PKD1L1: variants seen among roughly 807,000 people sequenced by gnomAD.
PKD1L1 encodes the protein polycystin-1-like protein 1.
PKD1L1 carries 236 observed loss-of-function variants against 323.4 expected under a neutral mutation model. That is an observed-to-expected ratio of 0.73 (90% CI 0.66 to 0.81). The LOEUF (loss-of-function observed/expected upper bound fraction) is 0.81, where lower values mean the gene tolerates loss of function less well. PKD1L1 is among the 40% of genes least tolerant of loss of function. PKD1L1 has a pLI of 0.00. For missense variants in PKD1L1, 3,320 were observed against 3,508.0 expected (o/e 0.95, Z 1.35); for synonymous variants, 1,344 against 1,335.0 (o/e 1.01, Z -0.15).
chr7:47,846,465 C>T (rs1056571026), intron 32 of PKD1L1, among the ~76,000 whole-genome samples: 1 of 152,164 alleles, frequency 6.6e-6, no homozygotes, highest in African/African-American at 2.4e-5. Flanking sequence ...AACATGGGGG[C>T]ATGGTGAGAG....
intron 34 of PKD1L1, among the ~76,000 whole-genome samples, chr7:47,842,657 A>T (rs1249298122): frequency 6.6e-6 from 1 of 152,060 alleles, no homozygotes; most frequent in Non-Finnish European, 1.5e-5. Flanking sequence ...GAAGAGTACA[A>T]CTCATTCTCA....
intron 32 of PKD1L1, among the ~76,000 whole-genome samples, chr7:47,845,977 T>A (rs1474598771): frequency 6.6e-6 from 1 of 152,230 alleles, no homozygotes; most frequent in African/African-American, 2.4e-5. Context: ...CATTTATCAA[T>A]AATTTAATAT....
At chr7:47,881,093 G>T (rs1270124762) in intron 20 of PKD1L1, among the ~76,000 whole-genome samples, 1 of 151,948 alleles carries the variant, frequency 6.6e-6, no homozygotes, top group Non-Finnish European at 1.5e-5. Context: ...TATTTTATAT[G>T]TTTATAATTA....
intron 14 of PKD1L1, among the ~76,000 whole-genome samples, chr7:47,897,264 T>C (rs981808117): frequency 6.6e-6 from 1 of 152,196 alleles, no homozygotes; most frequent in African/African-American, 2.4e-5. Flanking sequence ...TAGGACTGCG[T>C]GCCCCACAGC....
intron 56 of PKD1L1, among the ~76,000 whole-genome samples, chr7:47,788,642 C>T (rs1378371289): frequency 5.4e-5 from 8 of 147,130 alleles, no homozygotes; most frequent in Non-Finnish European, 8.9e-5. Flanking sequence ...GTTGCCTAGG[C>T]TGGAGTGCAG....
chr7:47,904,965 C>T (rs1787171980), intron 11 of PKD1L1, among the ~76,000 whole-genome samples, 192 bp downstream of exon 11: 1 of 152,130 alleles, frequency 6.6e-6, no homozygotes, highest in Admixed American at 6.6e-5. Flanking sequence ...TCCCTTAGTT[C>T]AAGCTGAAGA....
At chr7:47,895,732 A>T (rs1444885898) in intron 14 of PKD1L1, among the ~76,000 whole-genome samples, 4 of 152,246 alleles carry the variant, frequency 2.6e-5, no homozygotes, top group Non-Finnish European at 4.4e-5. Context: ...TGCGTAGTCA[A>T]ACTGGGCAGA....
chr7:47,960,191 C>T, the PKD1L1 span, among the ~76,000 whole-genome samples: 1 of 149,200 alleles, frequency 6.7e-6, no homozygotes, highest in Non-Finnish European at 1.5e-5. Context: ...TAAGAGTCAT[C>T]ACCACTCCCT....
intron 56 of PKD1L1, among the ~76,000 whole-genome samples, chr7:47,781,189 T>C (rs4273763): frequency 0.28 from 42,288 of 152,036 alleles, 6,209 homozygotes; most frequent in East Asian, 0.57. Flanking sequence ...CATCTGTACA[T>C]CTTCTTCAGT....
chr7:47,956,005 T>A, the PKD1L1 span, among the ~76,000 whole-genome samples: 15 of 152,188 alleles, frequency 9.9e-5, no homozygotes, highest in East Asian at 1.2e-3. Flanking sequence ...AATTCGAGAG[T>A]GACATCAGCC....
chr7:47,918,244 A>T (rs1787468624), intron 7 of PKD1L1, among the ~76,000 whole-genome samples: 1 of 152,170 alleles, frequency 6.6e-6, no homozygotes. Flanking sequence ...ACAAAGAAGA[A>T]CATTATATAA....
chr7:47,843,021 G>T lies in PKD1L1; in HGVS notation c.5386C>A (p.Gln1796Lys), dbSNP rs762513579. ...GTGTCAATGACGACCGCATATAGCTGATGGCCCGGCAGGGAAGCTTCTTGC... is the reference window on the plus strand; with the variant it reads ...GTGTCAATGACGACCGCATATAGCTTATGGCCCGGCAGGGAAGCTTCTTGC... ...FLQEASLPGH[Q>K]LYAVVIDTGF... Residue 1796 changes from glutamine (Q) to lysine (K), a missense_variant, in exon 34 of 57, where the codon CAG becomes AAG. Transcript: ENST00000289672. 4 of 1,613,890 alleles carry T rather than the reference G, an allele frequency of 2.5e-6. No homozygotes were observed. The highest frequency in any genetic ancestry group is 3.4e-6 in the Non-Finnish European group (4 of 1,179,910).
At position 47,855,615 on chromosome 7, in the gene PKD1L1, G is replaced by A. The variant is rs146131975; in HGVS notation, c.4591-350C>T. On this transcript the variant is annotated intron_variant, in intron 28 of 56. Transcript: ENST00000289672. ...AGTGGGGCCGGGCGCGGTGGCTCACGCCTGTAATCCCAGCACTTTGGGAGG... is the reference window on the plus strand; with the variant it reads ...AGTGGGGCCGGGCGCGGTGGCTCACACCTGTAATCCCAGCACTTTGGGAGG... Among the ~76,000 whole-genome samples, 139 of 97,136 alleles carry A rather than the reference G, an allele frequency of 1.4e-3. 28 individuals carry two copies. The highest frequency in any genetic ancestry group is 9.3e-3 in the Middle Eastern group (2 of 214). 63.7% of individuals were successfully genotyped at this position (97,136 alleles called of 152,430 possible). A position where few individuals can be genotyped will look rare whatever the true frequency, so the allele number is the denominator to read the frequency against.
At chr7:47,788,577 A>ATATATTTTTT (rs939251075) in intron 56 of PKD1L1, among the ~76,000 whole-genome samples, 1 of 138,060 alleles carries the variant, frequency 7.2e-6, no homozygotes, top group Non-Finnish European at 1.6e-5. Context: ...ATATATATAT[A>ATATATTTTTT]TTTTTTTTTT....
At position 47,929,211 on chromosome 7, in the gene PKD1L1, G is replaced by C; in HGVS notation, c.1053C>G (p.Tyr351Ter). ...GGACACCATGCACCTTACCTTTTGA[G>C]TACTGGTGGTAGGCAGTCACCGCCA... is the stretch of plus-strand genomic sequence containing the variant. ...EAMAVTAYHQ[Y>*]SKGIFFHLLH... The change falls in exon 7 of 57, where the codon TAC becomes TAG. Residue 351 changes from tyrosine to a stop codon, truncating the protein, a stop_gained. Transcript: ENST00000289672. LOFTEE classifies it high-confidence loss of function. 1 of 1,613,804 alleles carries C rather than the reference G, an allele frequency of 6.2e-7. No individual in the cohort carries two copies. The highest frequency in any genetic ancestry group is 8.5e-7 in the Non-Finnish European group (1 of 1,179,776).
At chr7:47,876,045 T>C (rs1786396344) in intron 23 of PKD1L1, 52 bp downstream of exon 23, 1 of 1,592,446 alleles carries the variant, frequency 6.3e-7, no homozygotes, top group African/African-American at 1.3e-5. Context: ...GAAAAAAGGT[T>C]TAGAACTGTA....
At chr7:47,942,449 C>T (rs1464108195) in intron 2 of PKD1L1, among the ~76,000 whole-genome samples, 3 of 151,718 alleles carry the variant, frequency 2.0e-5, no homozygotes, top group Non-Finnish European at 2.9e-5. Flanking sequence ...GCGCCCCCGC[C>T]CCCCCACTCC....
At chr7:47,903,419 A>G (rs774673037) in intron 12 of PKD1L1, among the ~76,000 whole-genome samples, 11 of 152,198 alleles carry the variant, frequency 7.2e-5, no homozygotes, top group Non-Finnish European at 1.6e-4. Flanking sequence ...GCTACCGAGT[A>G]TATCGCCAGG....
chr7:47,795,417 C>T, intron 55 of PKD1L1: 1 of 453,118 alleles, frequency 2.2e-6, no homozygotes, highest in South Asian at 1.6e-5. Flanking sequence ...CACCATGAAC[C>T]TGAGGCCTCC....
Sources: gnomAD v4.1 joint callset for allele counts (sites outside exome capture counted in the v4.1 genomes callset) on GRCh38, gnomAD v4.1.1 for gene constraint, MANE v1.5 for transcripts, NCBI Gene and HGNC (gene_info 2026-07-23, HGNC 2026-07-21) for gene names.